PPARGC1A: variants seen among roughly 807,000 people sequenced by gnomAD.
PPARGC1A encodes the protein PPARG coactivator 1 alpha.
PPARGC1A carries 25 observed loss-of-function variants against 88.7 expected under a neutral mutation model. That is an observed-to-expected ratio of 0.28 (90% CI 0.21 to 0.39). The LOEUF is 0.39. Ranked by LOEUF, PPARGC1A falls within the 10% of genes least tolerant of loss-of-function variation. PPARGC1A has a pLI of 1.00. For synonymous variants in PPARGC1A, 363 were observed against 355.6 expected (o/e 1.02, Z -0.24); for missense variants, 880 against 968.7 (o/e 0.91, Z 1.22).
the PPARGC1A span, among the ~76,000 whole-genome samples, chr4:24,168,106 A>C: frequency 6.6e-6 from 1 of 152,236 alleles, no homozygotes; most frequent in African/African-American, 2.4e-5. Flanking sequence ...TAATGCTATC[A>C]CACACTTCAA....
In PPARGC1A at chr4:23,795,880, T is replaced by C; in HGVS notation, c.2339A>G (p.Tyr780Cys). The change falls in exon 13 of 13, where the codon TAT (tyrosine) becomes TGT (cysteine). Residue 780 changes from tyrosine (Y) to cysteine (C), a missense_variant. Coordinates refer to ENST00000264867, the MANE Select transcript of PPARGC1A (RefSeq NM_013261.5). ...DFDPASTKSK[Y>C]DSLDFDSLLK... Reference sequence around the variant, plus strand: ...TAAACTATCAAAATCCAGAGAGTCATACTTGCTCTTGGTGGAAGCAGGGTC... The same window carrying C: ...TAAACTATCAAAATCCAGAGAGTCACACTTGCTCTTGGTGGAAGCAGGGTC... 4 of 1,612,136 alleles carry C rather than the reference T, an allele frequency of 2.5e-6. No homozygotes were observed. Among genetic ancestry groups the C allele is most frequent in the Non-Finnish European group, 2.5e-6 (3 of 1,179,218 alleles).
chr4:24,109,019 CCA>C, the PPARGC1A span, among the ~76,000 whole-genome samples: 3,943 of 140,570 alleles, frequency 0.028, 168 homozygotes, highest in African/African-American at 0.095. Flanking sequence ...CACACACACA[CCA>C]CACACACACA....
the PPARGC1A span, among the ~76,000 whole-genome samples, chr4:24,394,971 G>T: frequency 2.0e-3 from 307 of 152,308 alleles, no homozygotes; most frequent in African/African-American, 7.0e-3. Flanking sequence ...CTTGTACAAT[G>T]TCCTTCCTGA....
chr4:24,224,117 G>A, the PPARGC1A span, among the ~76,000 whole-genome samples: 3 of 152,174 alleles, frequency 2.0e-5, no homozygotes, highest in African/African-American at 7.2e-5. Flanking sequence ...TCGTTACTGA[G>A]TGCAGCAGCC....
the PPARGC1A span, among the ~76,000 whole-genome samples, chr4:24,472,675 CGCCGCCGCCGCCGCT>C: frequency 6.6e-6 from 1 of 151,932 alleles, no homozygotes; most frequent in Non-Finnish European, 1.5e-5. The surrounding 1 kb of genome is among the most constrained non-coding windows in gnomAD (Gnocchi z 4.5). Flanking sequence ...CCGCCGCCGC[CGCCGCCGCCGCCGCT>C]GCCGCCTTCT....
chr4:24,229,135 A>G, the PPARGC1A span, among the ~76,000 whole-genome samples: 1 of 82,554 alleles, frequency 1.2e-5, no homozygotes, highest in South Asian at 4.2e-4. Flanking sequence ...TTATGGATGA[A>G]GCTTGGGTAT....
chr4:24,225,121 G>C, the PPARGC1A span, among the ~76,000 whole-genome samples: 1 of 152,188 alleles, frequency 6.6e-6, no homozygotes, highest in African/African-American at 2.4e-5. Context: ...GTCTTGAGCT[G>C]AAGAGGGGAA....
chr4:24,131,132 T>G, the PPARGC1A span, among the ~76,000 whole-genome samples: 1 of 152,206 alleles, frequency 6.6e-6, no homozygotes, highest in South Asian at 2.1e-4. Context: ...AGGTGCCATG[T>G]CTATCTTTAG....
the PPARGC1A span, among the ~76,000 whole-genome samples, chr4:24,262,566 C>G: frequency 6.6e-6 from 1 of 152,172 alleles, no homozygotes; most frequent in Non-Finnish European, 1.5e-5. Context: ...AATATTCCAC[C>G]CAGTCCATTT....
the PPARGC1A span, among the ~76,000 whole-genome samples, chr4:24,202,025 C>T: frequency 6.6e-6 from 1 of 151,980 alleles, no homozygotes; most frequent in Non-Finnish European, 1.5e-5. Context: ...CCTCAGCTTC[C>T]CAAACAGTTG....
At chr4:23,834,971 A>T (rs748504554) in intron 2 of PPARGC1A, among the ~76,000 whole-genome samples, 2 of 152,240 alleles carry the variant, frequency 1.3e-5, no homozygotes, top group Non-Finnish European at 2.9e-5. Flanking sequence ...TCAAATACAC[A>T]TGCACACACA....
chr4:23,898,750 T>G (rs748106732), intron 1 of PPARGC1A, among the ~76,000 whole-genome samples: 5 of 152,188 alleles, frequency 3.3e-5, no homozygotes, highest in Non-Finnish European at 7.4e-5. Context: ...GATTGTACTT[T>G]GCACCAAGCA....
chr4:24,215,561 T>A, the PPARGC1A span, among the ~76,000 whole-genome samples: 1,072 of 152,328 alleles, frequency 7.0e-3, 11 homozygotes, highest in African/African-American at 0.024. Context: ...GATCTTTTTT[T>A]AAAGGGGTTT....
chr4:24,185,027 G>A, the PPARGC1A span, among the ~76,000 whole-genome samples: 1 of 152,136 alleles, frequency 6.6e-6, no homozygotes, highest in Admixed American at 6.5e-5. Context: ...TATAACAGGT[G>A]GAGAGGCTTA....
chr4:23,815,917 C>G (rs1721900789), intron 7 of PPARGC1A, among the ~76,000 whole-genome samples: 1 of 152,046 alleles, frequency 6.6e-6, no homozygotes, highest in South Asian at 2.1e-4. Flanking sequence ...CACAGACATA[C>G]ACAACACACA....
the PPARGC1A span, among the ~76,000 whole-genome samples, chr4:24,248,225 C>T: frequency 2.0e-5 from 3 of 152,016 alleles, no homozygotes; most frequent in African/African-American, 7.2e-5. Context: ...CCCGGGTTCA[C>T]GCCATTCTCC....
the PPARGC1A span, among the ~76,000 whole-genome samples, chr4:24,469,555 T>A: frequency 6.6e-6 from 1 of 151,998 alleles, no homozygotes; most frequent in Admixed American, 6.6e-5. Flanking sequence ...CTTCAAATAA[T>A]CTCCTCTCCC....
At position 23,812,851 on chromosome 4, in the gene PPARGC1A, C is replaced by T. The variant is rs775549441; in HGVS notation, c.1915G>A (p.Glu639Lys). Residue 639 changes from glutamate (E) to lysine (K), a missense_variant, in exon 10 of 13, where the codon GAA becomes AAA. Transcript: ENST00000264867. ...CTCTTCAGCCTCTCGTGCTGATATT[C>T]CTCGTAGCTGTCATACCTGGGAAAC... is the stretch of plus-strand genomic sequence containing the variant. ...SRRPRYDSYEEYQHERLKREE... is the reference protein window; with the variant it reads ...SRRPRYDSYEKYQHERLKREE... The T allele has an allele frequency of 6.2e-7, 1 of 1,614,014 alleles. No homozygotes were observed. Among genetic ancestry groups the T allele is most frequent in the Non-Finnish European group, 8.5e-7 (1 of 1,179,988 alleles).
chr4:23,942,348 G>A, the PPARGC1A span, among the ~76,000 whole-genome samples: 2 of 152,136 alleles, frequency 1.3e-5, no homozygotes. Flanking sequence ...ATATCTAAAT[G>A]ATTCCCAATA....
Sources: allele counts gnomAD v4.1 joint callset (sites outside exome capture counted in the v4.1 genomes callset), GRCh38; gene constraint gnomAD v4.1.1; non-coding constraint Gnocchi (gnomAD v3.1); transcripts MANE v1.5; gene names NCBI Gene and HGNC (gene_info 2026-07-23, HGNC 2026-07-21).